The following EFEMP1 variants were observed in gnomAD, a reference collection of about 807,000 sequenced individuals.
EFEMP1 encodes the protein EGF-like fibulin extracellular matrix protein 1, also known as EGF-containing fibulin-like extracellular matrix protein 1.
Under a neutral mutation model 65.7 loss-of-function variants are expected in EFEMP1, and 18 were observed. That is an observed-to-expected ratio of 0.27 (90% CI 0.19 to 0.41). The LOEUF (loss-of-function observed/expected upper bound fraction) is 0.41. EFEMP1 is among the 10% of genes least tolerant of loss of function. The pLI is 1.00. For missense variants in EFEMP1, 469 were observed against 624.8 expected (o/e 0.75, Z 2.66); for synonymous variants, 237 against 219.7 (o/e 1.08, Z -0.70).
intron 8 of EFEMP1, 62 bp from the exon 9 acceptor site, chr2:55,875,127 T>G (rs927545589): frequency 6.3e-5 from 34 of 540,100 alleles, no homozygotes; most frequent in East Asian, 2.8e-4. Flanking sequence ...CTACTTTGGA[T>G]ATATATATAT....
Position 55,871,213 on chromosome 2 carries a change from AAGG to A in EFEMP1, c.1001-93_1001-91del. The A allele has an allele frequency of 6.3e-7, 1 of 1,583,730 alleles. No individual in the cohort carries two copies. On this transcript the variant is annotated intron_variant, in intron 9 of 11. Coordinates refer to ENST00000355426, the MANE Select transcript of EFEMP1 (RefSeq NM_001039348.3). The surrounding 1 kb of genome is among the most constrained non-coding windows in gnomAD (Gnocchi z 4.2). ...TAACTGGCAGATTCTGTTTGCAAGG[AAGG>A]AGGTGTGAGAGCATCTGGACTGTGT...
chr2:55,917,517 G>A lies in EFEMP1; in HGVS notation c.517+148C>T. The A allele has an allele frequency of 9.4e-7, 1 of 1,063,694 alleles. No homozygotes were observed. Among genetic ancestry groups the A allele is most frequent in the Non-Finnish European group, 1.4e-6 (1 of 694,340 alleles). The allele number at this position is 1,063,694 out of a possible 1,614,324, so 65.9% of individuals were successfully genotyped here. A position where few individuals can be genotyped will look rare whatever the true frequency, so the allele number is the denominator to read the frequency against. On this transcript the variant is annotated intron_variant, in intron 5 of 11. Transcript: ENST00000355426. This position sits in a 1 kb window ranked among gnomAD's most constrained non-coding sequence, Gnocchi z 6.3. Reference sequence around the variant, plus strand: ...GACAACTACAGCAACTACCCTTTAGGAATATTGTGATGATTAAATATAATG... The same window carrying A: ...GACAACTACAGCAACTACCCTTTAGAAATATTGTGATGATTAAATATAATG...
chr2:55,893,711 G>A (rs1169475834), intron 5 of EFEMP1, among the ~76,000 whole-genome samples: 1 of 152,176 alleles, frequency 6.6e-6, no homozygotes, highest in Non-Finnish European at 1.5e-5. Context: ...GATCAGGGTG[G>A]TACTTCAGCT....
In EFEMP1 at chr2:55,923,751, G is replaced by C; in HGVS notation, c.-89C>G. On this transcript the variant is annotated 5_prime_UTR_variant, in exon 1 of 12. Transcript: ENST00000355426. The surrounding 1 kb of genome is among the most constrained non-coding windows in gnomAD (Gnocchi z 5.3). ...GCGCTCCGGGCCCGGGCAGCGAGGG[G>C]AGTGCGCAGGGGAGGGCAGCCCCGT... is the stretch of plus-strand genomic sequence containing the variant. 1 of 986,082 alleles carries C rather than the reference G, an allele frequency of 1.0e-6. No individual in the cohort carries two copies. Among genetic ancestry groups the C allele is most frequent in the Non-Finnish European group, 1.2e-6 (1 of 830,508 alleles). The allele number at this position is 986,082 out of a possible 1,614,324, so 61.1% of individuals were successfully genotyped here.
intron 3 of EFEMP1, 65 bp from the exon 4 acceptor site, chr2:55,918,332 A>G: frequency 6.4e-7 from 1 of 1,568,930 alleles, no homozygotes. Context: ...TCCCTAAGAA[A>G]TCACTCTAAA....
At chr2:55,881,126 T>G (rs773897842) in intron 6 of EFEMP1, among the ~76,000 whole-genome samples, 3 of 152,232 alleles carry the variant, frequency 2.0e-5, no homozygotes, top group Non-Finnish European at 4.4e-5. Flanking sequence ...AGGTAGGGCC[T>G]AGTATCATCT....
At chr2:55,876,548 G>C in intron 8 of EFEMP1, 75 bp downstream of exon 8, 1 of 1,570,098 alleles carries the variant, frequency 6.4e-7, no homozygotes, top group South Asian at 1.1e-5. Context: ...TTTCATAAAT[G>C]GGTACATAAT....
chr2:55,892,857 T>A (rs1419916448), intron 5 of EFEMP1, among the ~76,000 whole-genome samples: 4 of 152,268 alleles, frequency 2.6e-5, no homozygotes, highest in South Asian at 2.1e-4. Context: ...AACTCTACGT[T>A]CTTAGATCTG....
chr2:55,915,885 A>G (rs1670658210), intron 5 of EFEMP1, among the ~76,000 whole-genome samples: 1 of 152,108 alleles, frequency 6.6e-6, no homozygotes, highest in Non-Finnish European at 1.5e-5. Flanking sequence ...TCTCCTTGAC[A>G]TAATCCTTAA....
At chr2:55,881,999 G>A (rs748719767) in intron 5 of EFEMP1, among the ~76,000 whole-genome samples, 1 of 152,018 alleles carries the variant, frequency 6.6e-6, no homozygotes, top group Non-Finnish European at 1.5e-5. Flanking sequence ...AAACATTTCA[G>A]ATACAGCTAA....
intron 3 of EFEMP1, among the ~76,000 whole-genome samples, chr2:55,920,686 T>A (rs1430608939): frequency 2.6e-5 from 4 of 152,258 alleles, no homozygotes; most frequent in Non-Finnish European, 5.9e-5. Flanking sequence ...AAGCCTAGAC[T>A]GAGTTTAGCT....
intron 5 of EFEMP1, among the ~76,000 whole-genome samples, chr2:55,910,588 G>T (rs1022527522): frequency 6.6e-6 from 1 of 152,152 alleles, no homozygotes; most frequent in Admixed American, 6.6e-5. Context: ...TAATGAGCCA[G>T]TACCAGTGCA....
At chr2:55,890,248 G>A (rs998228977) in intron 5 of EFEMP1, among the ~76,000 whole-genome samples, 2 of 151,888 alleles carry the variant, frequency 1.3e-5, no homozygotes, top group Non-Finnish European at 2.9e-5. Context: ...ACTACATAAT[G>A]ATAAAAGTTT....
Position 55,904,983 on chromosome 2 carries a change from TTC to T in EFEMP1, c.517+12680_517+12681del, listed in dbSNP as rs1491033365. On this transcript the variant is annotated intron_variant, in intron 5 of 11. Transcript: ENST00000355426. ...GATAGTGGCTTTTTTTTTTTTCTTT[TTC>T]TTTTTTTTTTTTTTTTGCTGAGCAA... 2.9e-4 allele frequency among the ~76,000 whole-genome samples: 8 copies of T among 27,916 alleles called. 3 individuals carry two copies. The highest frequency in any genetic ancestry group is 1.2e-3 in the African/African-American group (3 of 2,506). 18.3% of individuals were successfully genotyped at this position (27,916 alleles called of 152,430 possible). A position where few individuals can be genotyped will look rare whatever the true frequency, so the allele number is the denominator to read the frequency against.
Position 55,873,066 on chromosome 2 carries a change from C to CACACACACACACACACA in EFEMP1, c.1000+1879_1000+1880insTGTGTGTGTGTGTGTGT, listed in dbSNP as rs55817415. 1.4e-5 allele frequency among the ~76,000 whole-genome samples: 2 copies of CACACACACACACACACA among 145,294 alleles called. No individual in the cohort carries two copies. Among genetic ancestry groups the CACACACACACACACACA allele is most frequent in the African/African-American group, 5.1e-5 (2 of 39,280 alleles). On this transcript the variant is annotated intron_variant, in intron 9 of 11. Coordinates refer to ENST00000355426, the MANE Select transcript of EFEMP1 (RefSeq NM_001039348.3). The surrounding 1 kb of genome is among the most constrained non-coding windows in gnomAD (Gnocchi z 4.6). The stretch of plus-strand genomic sequence containing the variant: ...TTCTTTTGTCTCTCTGTCTCTCTCT[C>CACACACACACACACACA]CACACACACACACACACACACACAC...
chr2:55,889,665 A>G (rs72924527), intron 5 of EFEMP1, among the ~76,000 whole-genome samples: 10,556 of 152,210 alleles, frequency 0.069, 800 homozygotes, highest in African/African-American at 0.18. Flanking sequence ...ATACATGAGA[A>G]TAATAGCATA....
intron 5 of EFEMP1, among the ~76,000 whole-genome samples, chr2:55,906,148 C>A (rs1387543364): frequency 6.6e-6 from 1 of 151,698 alleles, no homozygotes; most frequent in Admixed American, 6.6e-5. Flanking sequence ...CATTAGCTTA[C>A]CCCCCACCCT....
intron 5 of EFEMP1, among the ~76,000 whole-genome samples, chr2:55,897,820 T>G (rs189207099): frequency 6.6e-6 from 1 of 152,200 alleles, no homozygotes; most frequent in East Asian, 1.9e-4. Context: ...TTCCTCTATC[T>G]ACAACCAGAT....
At chr2:55,881,438 AC>A (rs1284290759) in intron 6 of EFEMP1, among the ~76,000 whole-genome samples, 173 bp downstream of exon 6, 1 of 152,182 alleles carries the variant, frequency 6.6e-6, no homozygotes, top group African/African-American at 2.4e-5. Flanking sequence ...GAATAGCTCA[AC>A]CTTTAAGGTT....
Sources: gnomAD v4.1 joint callset for allele counts (sites outside exome capture counted in the v4.1 genomes callset) on GRCh38, gnomAD v4.1.1 for gene constraint, Gnocchi (gnomAD v3.1) non-coding constraint, MANE v1.5 for transcripts, NCBI Gene and HGNC (gene_info 2026-07-23, HGNC 2026-07-21) for gene names.